The following ZNF282 variants were observed in gnomAD, a reference collection of about 807,000 sequenced individuals.
ZNF282 encodes zinc finger protein 282.
ZNF282 carries 30 observed loss-of-function variants against 61.9 expected under a neutral mutation model. The observed-to-expected ratio is 0.48, with a 90% confidence interval of 0.36 to 0.66. The LOEUF (loss-of-function observed/expected upper bound fraction) is 0.66, where lower values mean the gene tolerates loss of function less well. Among genes scored for constraint, ZNF282 ranks in the 30% least tolerant of loss-of-function variants. ZNF282 has a pLI of 0.00. For synonymous variants in ZNF282, 396 were observed against 405.0 expected (o/e 0.98, Z 0.27); for missense variants, 788 against 941.4 (o/e 0.84, Z 2.13).
At chr7:149,221,233 T>C (rs1796244944) in intron 7 of ZNF282, among the ~76,000 whole-genome samples, 1 of 152,204 alleles carries the variant, frequency 6.6e-6, no homozygotes, top group Non-Finnish European at 1.5e-5. Context: ...TGTGCAGTTT[T>C]TCAGCTGCCT....
intron 7 of ZNF282, among the ~76,000 whole-genome samples, chr7:149,220,619 G>A (rs1796229433): frequency 6.6e-6 from 1 of 152,100 alleles, no homozygotes; most frequent in African/African-American, 2.4e-5. Context: ...GTCGCATCCA[G>A]ACATGAGTGT....
At chr7:149,199,888 CTT>C (rs374619138) in intron 2 of ZNF282, among the ~76,000 whole-genome samples, 1 of 149,138 alleles carries the variant, frequency 6.7e-6, no homozygotes, top group Non-Finnish European at 1.5e-5. Context: ...GGTAAAGACT[CTT>C]TTTTTTTTAA....
chr7:149,195,941 C>T (rs1200659066), intron 1 of ZNF282, among the ~76,000 whole-genome samples, 187 bp downstream of exon 1: 1 of 148,944 alleles, frequency 6.7e-6, no homozygotes, highest in Non-Finnish European at 1.5e-5. Flanking sequence ...GCGGGCCCGA[C>T]GCAGGCCCGG....
At position 149,224,639 on chromosome 7, in the gene ZNF282, C is replaced by G; in HGVS notation, c.2008C>G (p.Arg670Gly). The change falls in exon 8 of 8, where the codon CGA becomes GGA. Residue 670 changes from arginine (R) to glycine (G), a missense_variant. By Grantham distance (125) the Arg-to-Gly change is moderately radical. Transcript: ENST00000610704. The stretch of plus-strand genomic sequence containing the variant: ...ACGGCAGCTCCCGCCGCCTCCTGAG[C>G]GAGACTAGGGCTGGGCTGGGGGAGG... ...APRQLPPPPE[R>G]D 6.6e-7 allele frequency: 1 copy of G among 1,522,438 alleles called. No homozygotes were observed. Among genetic ancestry groups the G allele is most frequent in the Non-Finnish European group, 8.8e-7 (1 of 1,138,810 alleles). 94.3% of individuals were successfully genotyped at this position (1,522,438 alleles called of 1,614,324 possible).
chr7:149,213,963 T>C, intron 7 of ZNF282, 149 bp downstream of exon 7: 1 of 598,206 alleles, frequency 1.7e-6, no homozygotes, highest in Non-Finnish European at 3.0e-6. Flanking sequence ...ACCAAAGCAC[T>C]CCCATTCTTT....
rs368550666 is a variant in ZNF282, at chr7:149,209,134, C to T, written c.833-1451C>T. ...GAGATCGAGAGCATCCTGGCTAACA[C>T]GGTGAAACCGTGTCTCTACTAAAAA... is the stretch of plus-strand genomic sequence containing the variant. On this transcript the variant is annotated intron_variant, in intron 4 of 7. Transcript: ENST00000610704. Among the ~76,000 whole-genome samples, 14 of 151,186 alleles carry T rather than the reference C, an allele frequency of 9.3e-5. No individual in the cohort carries two copies. The South Asian group carries it at 2.1e-3, about 23-fold the overall frequency.
In ZNF282 at chr7:149,223,944, A is replaced by C; in HGVS notation, c.1313A>C (p.Asn438Thr). The part of the protein sequence containing the change: ...QSLPPIAVAE[N>T]PGGPPSRGLL... The stretch of plus-strand genomic sequence containing the variant: ...CTGCCCCCCATCGCGGTGGCCGAGA[A>C]CCCGGGCGGCCCCCCGAGCCGAGGG... Residue 438 changes from asparagine (N) to threonine (T), a missense_variant, in exon 8 of 8, where the codon AAC becomes ACC. Physicochemically the swap from Asn to Thr is moderately conservative, Grantham distance 65. This residue lies in a region of ZNF282 where 559 missense variants were observed against 642.0 expected (regional missense o/e 0.87). Transcript: ENST00000610704. 1 of 1,313,014 alleles carries C rather than the reference A, an allele frequency of 7.6e-7. No individual in the cohort carries two copies. Among genetic ancestry groups the C allele is most frequent in the Non-Finnish European group, 9.7e-7 (1 of 1,033,924 alleles). The allele number at this position is 1,313,014 out of a possible 1,614,324, so 81.3% of individuals were successfully genotyped here.
intron 6 of ZNF282, among the ~76,000 whole-genome samples, chr7:149,212,788 G>C (rs780554057): frequency 3.7e-4 from 56 of 152,098 alleles, no homozygotes; most frequent in Non-Finnish European, 7.2e-4. Context: ...CACCATGTTG[G>C]TCAGGCTGCT....
intron 7 of ZNF282, among the ~76,000 whole-genome samples, chr7:149,216,900 C>T (rs928157495): frequency 4.6e-5 from 7 of 152,174 alleles, no homozygotes; most frequent in African/African-American, 9.7e-5. Flanking sequence ...TATACTGAGT[C>T]TCGCTCTCAG....
rs561371651 is a variant in ZNF282, at chr7:149,220,407, G to A, written c.1181-3405G>A. On this transcript the variant is annotated intron_variant, in intron 7 of 7. Coordinates refer to ENST00000610704, the MANE Select transcript of ZNF282 (RefSeq NM_003575.4). ...AGCCTGCGCAACTGAGCCAGACTCC[G>A]TCTCCAAAAGAAAAAAAAAGAATAA... is the stretch of plus-strand genomic sequence containing the variant. 2.7e-4 allele frequency among the ~76,000 whole-genome samples: 41 copies of A among 152,018 alleles called. No homozygotes were observed. The South Asian group carries it at 6.7e-3, about 25-fold the overall frequency.
At chr7:149,207,574 G>T in intron 4 of ZNF282, 104 bp downstream of exon 4, 1 of 1,493,432 alleles carries the variant, frequency 6.7e-7, no homozygotes, top group East Asian at 2.5e-5. Flanking sequence ...TGCACCATGG[G>T]GCGAGGGTCT....
chr7:149,211,519 C>T (rs1205232548), intron 5 of ZNF282, among the ~76,000 whole-genome samples: 4 of 152,190 alleles, frequency 2.6e-5, no homozygotes, highest in African/African-American at 7.2e-5. Context: ...TACTGACTTA[C>T]ATGTTCAAAT....
intron 2 of ZNF282, among the ~76,000 whole-genome samples, chr7:149,200,605 A>T (rs192959584): frequency 0.013 from 1,919 of 151,022 alleles, 44 homozygotes; most frequent in African/African-American, 0.042. Context: ...TTATTTATTT[A>T]TTTTTTTTGA....
At chr7:149,200,765 T>G (rs948384992) in intron 2 of ZNF282, among the ~76,000 whole-genome samples, 2 of 152,016 alleles carry the variant, frequency 1.3e-5, no homozygotes, top group African/African-American at 4.8e-5. Context: ...CCACCTAATT[T>G]TTTGTATTTT....
chr7:149,223,459 A>G (rs1448301889), intron 7 of ZNF282, among the ~76,000 whole-genome samples: 1 of 152,120 alleles, frequency 6.6e-6, no homozygotes, highest in African/African-American at 2.4e-5. Flanking sequence ...AAAAACAAAC[A>G]AACAAAAAAC....
At chr7:149,205,608 A>G (rs907198152) in intron 2 of ZNF282, among the ~76,000 whole-genome samples, 1 of 152,116 alleles carries the variant, frequency 6.6e-6, no homozygotes. Context: ...CATGGCACTG[A>G]GGTGTAGACA....
rs555896452 is a variant in ZNF282 at position 149,195,618 on chromosome 7, C to T, written c.29C>T (p.Pro10Leu). The T allele has an allele frequency of 1.1e-5, 18 of 1,611,366 alleles. 1 individual carries two copies. The South Asian group carries it at 1.9e-4, about 17-fold the overall frequency. The change falls in exon 1 of 8, where the codon CCT (proline) becomes CTT (leucine). Residue 10 changes from proline to leucine, a missense_variant. Pro to Leu is a moderately conservative substitution (Grantham distance 98). Coordinates refer to ENST00000610704, the MANE Select transcript of ZNF282 (RefSeq NM_003575.4). Reference protein sequence around the residue: MQFVSTRPQPQQLGIQGLGL... With the variant: MQFVSTRPQLQQLGIQGLGL... ...CAGTTTGTGTCAACACGGCCGCAGC[C>T]TCAGCAGCTGGGCATCCAGGGCCTG...
Position 149,208,426 on chromosome 7 carries a change from C to T in ZNF282, c.832+956C>T, listed in dbSNP as rs139109692. On this transcript the variant is annotated intron_variant, in intron 4 of 7. Transcript: ENST00000610704. ...CCATGTTGGCCAGGCTGGTCTTGAA[C>T]TCCTGACCTCAAGTGATCCACCCGC... Among the ~76,000 whole-genome samples, 989 of 152,064 alleles carry T rather than the reference C, an allele frequency of 6.5e-3. 15 individuals are homozygous for T. Among genetic ancestry groups the T allele is most frequent in the African/African-American group, 0.023 (937 of 41,526 alleles).
intron 7 of ZNF282, among the ~76,000 whole-genome samples, chr7:149,221,260 C>G (rs139978748): frequency 6.6e-6 from 1 of 152,212 alleles, no homozygotes; most frequent in African/African-American, 2.4e-5. Context: ...AGTCACAGGA[C>G]TGGAGTTCTC....
Sources: gnomAD v4.1 joint callset for allele counts (sites outside exome capture counted in the v4.1 genomes callset) on GRCh38, gnomAD v4.1.1 for gene constraint, gnomAD v4.1.1 regional missense constraint, MANE v1.5 for transcripts, NCBI Gene and HGNC (gene_info 2026-07-23, HGNC 2026-07-21) for gene names.